WLS: variants seen among roughly 807,000 people sequenced by gnomAD.
The protein encoded by WLS is protein wntless homolog.
Under a neutral mutation model 62.8 loss-of-function variants are expected in WLS, and 23 were observed. That is an observed-to-expected ratio of 0.37 (90% CI 0.26 to 0.52). WLS has a LOEUF of 0.52. Among genes scored for constraint, WLS ranks in the 20% least tolerant of loss-of-function variants. The pLI is 0.92. For synonymous variants in WLS, 246 were observed against 244.1 expected (o/e 1.01, Z -0.07); for missense variants, 615 against 697.3 (o/e 0.88, Z 1.33).
chr1:68,099,238 A>G (rs1557438045), intron 11 of WLS, among the ~76,000 whole-genome samples: 1 of 152,136 alleles, frequency 6.6e-6, no homozygotes, highest in Non-Finnish European at 1.5e-5. Flanking sequence ...TCTTCCAAAA[A>G]GGATGTTTTG....
rs113606713 is a variant in WLS at position 68,159,764 on chromosome 1, A to G, written c.380-517T>C. Among the ~76,000 whole-genome samples the G allele has an allele frequency of 3.3e-4, 50 of 152,302 alleles. 1 individual carries two copies. The highest frequency in any genetic ancestry group is 1.2e-3 in the African/African-American group (50 of 41,558). On this transcript the variant is annotated intron_variant, in intron 2 of 11. Transcript: ENST00000262348. The stretch of plus-strand genomic sequence containing the variant: ...ACTCTGTCTGAAAACATCCTTCTCA[A>G]ACTTATTCCCGAAAGTTCTCAAATA...
At chr1:68,185,026 A>G (rs567269409) in intron 2 of WLS, among the ~76,000 whole-genome samples, 1 of 152,320 alleles carries the variant, frequency 6.6e-6, no homozygotes, top group East Asian at 1.9e-4. Context: ...GGTGTGATGG[A>G]AGGAGCGGGG....
chr1:68,101,613 C>G (rs530579379), intron 11 of WLS, among the ~76,000 whole-genome samples: 141 of 152,274 alleles, frequency 9.3e-4, no homozygotes, highest in African/African-American at 3.3e-3. Context: ...ACAAATATGT[C>G]TACGTTCACT....
rs66626696 is a variant in WLS at position 68,228,842 on chromosome 1, C to CA, written c.106+3351dup. On this transcript the variant is annotated intron_variant, in intron 1 of 11. Coordinates refer to ENST00000262348, the MANE Select transcript of WLS (RefSeq NM_024911.7). ...AGGTTTAGCTTACAGACACTGGTGC[C>CA]AAAAAAAAAAAAAAAAAAAAAAAAA... 1.3e-3 allele frequency among the ~76,000 whole-genome samples: 76 copies of CA among 58,024 alleles called. 3 individuals carry two copies. Among genetic ancestry groups the CA allele is most frequent in the African/African-American group, 4.4e-3 (59 of 13,392 alleles). 38.1% of individuals were successfully genotyped at this position (58,024 alleles called of 152,430 possible). A position where few individuals can be genotyped will look rare whatever the true frequency, so the allele number is the denominator to read the frequency against.
chr1:68,177,142 C>A (rs972088790), intron 2 of WLS, among the ~76,000 whole-genome samples: 1 of 152,196 alleles, frequency 6.6e-6, no homozygotes, highest in Non-Finnish European at 1.5e-5. Flanking sequence ...CCTAAGGATG[C>A]TAAGAATTTT....
chr1:68,170,080 A>G lies in WLS; in HGVS notation c.380-10833T>C, dbSNP rs112534652. 4.1e-3 allele frequency among the ~76,000 whole-genome samples: 617 copies of G among 150,664 alleles called. 4 individuals are homozygous for G. Among genetic ancestry groups the G allele is most frequent in the Non-Finnish European group, 6.6e-3 (448 of 67,540 alleles). On this transcript the variant is annotated intron_variant, in intron 2 of 11. Transcript: ENST00000262348. ...ATGCCCTTCTCCTATCACTGTGAGG[A>G]GTAAATGAGATAATGGGTGCCAAGC...
At chr1:68,156,062 A>T (rs961618887) in intron 3 of WLS, among the ~76,000 whole-genome samples, 5 of 152,150 alleles carry the variant, frequency 3.3e-5, no homozygotes, top group African/African-American at 1.2e-4. Context: ...CAGTAGGGAG[A>T]CACCTTTTTT....
At chr1:68,189,531 C>T (rs114283254) in intron 2 of WLS, among the ~76,000 whole-genome samples, 1,607 of 152,070 alleles carry the variant, frequency 0.011, 21 homozygotes, top group South Asian at 0.028. Flanking sequence ...GGTTCAGTAC[C>T]GTGATTTTAG....
At chr1:68,204,092 A>G (rs368935167) in intron 1 of WLS, among the ~76,000 whole-genome samples, 83 of 152,324 alleles carry the variant, frequency 5.4e-4, no homozygotes, top group African/African-American at 1.8e-3. Context: ...TGAATGGTCA[A>G]AAATTTAGTA....
chr1:68,157,881 G>A (rs778506498), intron 3 of WLS, among the ~76,000 whole-genome samples: 5 of 152,114 alleles, frequency 3.3e-5, no homozygotes, highest in African/African-American at 4.8e-5. Flanking sequence ...TTCTGTATCC[G>A]AAAGCCATCT....
At chr1:68,193,278 T>C (rs2820500) in intron 2 of WLS, among the ~76,000 whole-genome samples, 52,226 of 150,846 alleles carry the variant, frequency 0.35, 9,243 homozygotes, top group Middle Eastern at 0.43. Flanking sequence ...CAGCCTAAGA[T>C]TCCTGATACT....
chr1:68,178,674 C>T (rs1295636143), intron 2 of WLS, among the ~76,000 whole-genome samples: 1 of 146,432 alleles, frequency 6.8e-6, no homozygotes, highest in Non-Finnish European at 1.5e-5. Flanking sequence ...CCACTGCACT[C>T]CAGCCTAAGC....
intron 1 of WLS, among the ~76,000 whole-genome samples, chr1:68,215,629 A>G (rs558116473): frequency 1.3e-5 from 2 of 152,336 alleles, no homozygotes; most frequent in East Asian, 3.9e-4. Context: ...TTTAAATACA[A>G]AGAAGATTTC....
chr1:68,157,261 C>T (rs939630411), intron 3 of WLS, among the ~76,000 whole-genome samples: 7 of 152,216 alleles, frequency 4.6e-5, no homozygotes, highest in African/African-American at 9.7e-5. Flanking sequence ...TAATCCCCCA[C>T]GATGGGTCTC....
intron 1 of WLS, 97 bp downstream of exon 1, chr1:68,232,097 C>T (rs971234260): frequency 2.6e-6 from 4 of 1,514,562 alleles, no homozygotes; most frequent in Non-Finnish European, 3.6e-6. Context: ...ATCATAGAAG[C>T]AAGGCAGTGA....
chr1:68,138,023 C>T, intron 10 of WLS, 90 bp from the exon 11 acceptor site: 1 of 1,484,662 alleles, frequency 6.7e-7, no homozygotes, highest in Admixed American at 1.9e-5. Context: ...ACATGAAAAC[C>T]AAGTCTCTTC....
At chr1:68,230,703 G>C (rs867999479) in intron 1 of WLS, among the ~76,000 whole-genome samples, 1 of 152,088 alleles carries the variant, frequency 6.6e-6, no homozygotes, top group Non-Finnish European at 1.5e-5. Context: ...ACCCTTTTCT[G>C]TTTTGTGGAT....
chr1:68,202,871 G>A (rs1208336298), intron 1 of WLS: 1 of 152,100 alleles, frequency 6.6e-6, no homozygotes, highest in African/African-American at 2.4e-5. Context: ...AAGCTGTAGG[G>A]GTGGAGGTAA....
At chr1:68,193,170 C>A (rs1648434799) in intron 2 of WLS, among the ~76,000 whole-genome samples, 1 of 151,296 alleles carries the variant, frequency 6.6e-6, no homozygotes, top group Non-Finnish European at 1.5e-5. Flanking sequence ...TGGACAGGCC[C>A]TAGACAGAGC....
Sources: gnomAD v4.1 joint callset for allele counts (sites outside exome capture counted in the v4.1 genomes callset) on GRCh38, gnomAD v4.1.1 for gene constraint, MANE v1.5 for transcripts, NCBI Gene and HGNC (gene_info 2026-07-23, HGNC 2026-07-21) for gene names.